SUGT1: variants seen among roughly 807,000 people sequenced by gnomAD.
SUGT1 encodes SGT1 assembly cochaperone of MIS12 kinetochore complex, also known as protein SGT1 homolog.
A neutral mutation model predicts 56.1 loss-of-function variants in SUGT1; 15 were observed. The observed-to-expected ratio is 0.27, with a 90% confidence interval of 0.18 to 0.41. SUGT1 has a LOEUF of 0.41. Ranked by LOEUF, SUGT1 falls within the 10% of genes least tolerant of loss-of-function variation. The pLI is 1.00. For synonymous variants in SUGT1, 123 were observed against 128.6 expected, an observed-to-expected ratio of 0.96 and a Z score of 0.30; for missense variants, 347 against 382.2, an observed-to-expected ratio of 0.91 and a Z score of 0.77.
intron 10 of SUGT1, among the ~76,000 whole-genome samples, chr13:52,674,451 A>G: frequency 6.6e-6 from 1 of 152,136 alleles, no homozygotes; most frequent in East Asian, 1.9e-4. Flanking sequence ...CAGATACCCC[A>G]CATACATATA....
In SUGT1 at chr13:52,676,722, G is replaced by A. The variant is rs189402228; in HGVS notation, c.718+402G>A. Among the ~76,000 whole-genome samples the A allele has an allele frequency of 2.2e-3, 331 of 152,128 alleles. 6 individuals are homozygous for A. The highest frequency in any genetic ancestry group is 7.5e-4 in the Non-Finnish European group (51 of 68,016). On this transcript the variant is annotated intron_variant, in intron 11 of 12. Coordinates refer to ENST00000310528, the MANE Select transcript of SUGT1 (RefSeq NM_006704.5). ...CCTTTCTGTTCCTTCTACTGATACT[G>A]TCATCTAATTGCCTGGAATTTGCAG...
intron 10 of SUGT1, among the ~76,000 whole-genome samples, chr13:52,670,798 G>GT (rs1039086234): frequency 2.6e-5 from 4 of 152,142 alleles, no homozygotes; most frequent in Non-Finnish European, 5.9e-5. Context: ...GGGTGACTGA[G>GT]TGAGACTCCG....
chr13:52,663,229 T>G (rs1220342140), intron 7 of SUGT1, 117 bp downstream of exon 7: 1 of 1,036,414 alleles, frequency 9.6e-7, no homozygotes, highest in East Asian at 2.5e-5. Flanking sequence ...GCAATTCCAT[T>G]TAAGTGCTGG....
rs34928219 is a variant in SUGT1, at chr13:52,690,410, C to CTT, written c.*2575_*2576insTT. On this transcript the variant is annotated 3_prime_UTR_variant, in exon 13 of 13. Coordinates refer to ENST00000310528, the MANE Select transcript of SUGT1 (RefSeq NM_006704.5). ...TTTTCATTTCTCAAATTTTGGTTCT[C>CTT]AGTGCTGTTAGTATTAGTAGCCTTT... 145,639 of 152,246 alleles carry CTT rather than the reference C, an allele frequency of 0.96. 69,679 individuals are homozygous for CTT. The highest frequency in any genetic ancestry group is 0.99 in the East Asian group (5,122 of 5,172). 9.4% of individuals were successfully genotyped at this position (152,246 alleles called of 1,614,324 possible). A position where few individuals can be genotyped will look rare whatever the true frequency, so the allele number is the denominator to read the frequency against.
In SUGT1 at chr13:52,688,842, A is replaced by C. The variant is rs1963685637; in HGVS notation, c.*1007A>C. 1.3e-5 allele frequency: 2 copies of C among 152,238 alleles called. No individual in the cohort carries two copies. The highest frequency in any genetic ancestry group is 4.1e-4 in the South Asian group (2 of 4,838). The allele number at this position is 152,238 out of a possible 1,614,324, so 9.4% of individuals were successfully genotyped here. A position where few individuals can be genotyped will look rare whatever the true frequency, so the allele number is the denominator to read the frequency against. ...CATGAAGGAACTGTGGAAAGATTGA[A>C]TGCTGAACTCGGTATAAATACACTT... On this transcript the variant is annotated 3_prime_UTR_variant, in exon 13 of 13. Coordinates refer to ENST00000310528, the MANE Select transcript of SUGT1 (RefSeq NM_006704.5).
chr13:52,690,845 C>G lies in SUGT1; in HGVS notation c.*3010C>G, dbSNP rs1963754945. ...AAGAGGATGGCTTGCATTAATAACTCTAGTTTTTAAAAACATTTTTATTCC... is the reference window on the plus strand; with the variant it reads ...AAGAGGATGGCTTGCATTAATAACTGTAGTTTTTAAAAACATTTTTATTCC... On this transcript the variant is annotated 3_prime_UTR_variant, in exon 13 of 13. Transcript: ENST00000310528. 6.6e-6 allele frequency: 1 copy of G among 152,180 alleles called. No individual in the cohort carries two copies. Among genetic ancestry groups the G allele is most frequent in the Non-Finnish European group, 1.5e-5 (1 of 68,050 alleles). 9.4% of individuals were successfully genotyped at this position (152,180 alleles called of 1,614,324 possible).
intron 10 of SUGT1, among the ~76,000 whole-genome samples, chr13:52,672,405 T>G (rs1021713152): frequency 2.0e-5 from 3 of 152,178 alleles, no homozygotes; most frequent in South Asian, 4.1e-4. Flanking sequence ...TGAAATGAGC[T>G]GTTAGAAGTT....
At position 52,680,038 on chromosome 13, in the gene SUGT1, G is replaced by T; in HGVS notation, c.783G>T (p.Glu261Asp). Residue 261 changes from glutamate (E) to aspartate (D), a missense_variant, in exon 12 of 13, where the codon GAG (glutamate) becomes GAT (aspartate). Transcript: ENST00000310528. ...GAAATTGGGATAAATTGGTTGGTGA[G>T]ATCAAAGAAGAAGAAAAGAATGAAA... is the stretch of plus-strand genomic sequence containing the variant. ...YTRNWDKLVG[E>D]IKEEEKNEKL... 4 of 1,602,694 alleles carry T rather than the reference G, an allele frequency of 2.5e-6. No homozygotes were observed. Among genetic ancestry groups the T allele is most frequent in the Non-Finnish European group, 2.5e-6 (3 of 1,176,944 alleles).
rs1003559639 is a variant in SUGT1 at position 52,688,993 on chromosome 13, C to G, written c.*1158C>G. 6 of 152,158 alleles carry G rather than the reference C, an allele frequency of 3.9e-5. No homozygotes were observed. Among genetic ancestry groups the G allele is most frequent in the African/African-American group, 1.4e-4 (6 of 41,414 alleles). 9.4% of individuals were successfully genotyped at this position (152,158 alleles called of 1,614,324 possible). A position where few individuals can be genotyped will look rare whatever the true frequency, so the allele number is the denominator to read the frequency against. The stretch of plus-strand genomic sequence containing the variant: ...CATGATTTTCTCAACTGTAATACCC[C>G]AGATGTTGGTCTCAGCTCTGTTAGG... On this transcript the variant is annotated 3_prime_UTR_variant, in exon 13 of 13. Coordinates refer to ENST00000310528, the MANE Select transcript of SUGT1 (RefSeq NM_006704.5).
intron 9 of SUGT1, among the ~76,000 whole-genome samples, chr13:52,666,562 A>G (rs1459031593): frequency 1.3e-5 from 2 of 152,192 alleles, no homozygotes; most frequent in Non-Finnish European, 2.9e-5. Context: ...TAAATATATG[A>G]CAAATATTAT....
chr13:52,697,555 T>C lies in SUGT1; in HGVS notation c.*9720T>C, dbSNP rs1963973777. On this transcript the variant is annotated 3_prime_UTR_variant, in exon 13 of 13. Coordinates refer to ENST00000310528, the MANE Select transcript of SUGT1 (RefSeq NM_006704.5). ...AAAGTTTGAATTGCTCACGTGTCCA[T>C]TTTTTTTCTGGAATCCCTGAAGAAA... 6.6e-6 allele frequency: 1 copy of C among 152,060 alleles called. No individual in the cohort carries two copies. The highest frequency in any genetic ancestry group is 2.4e-5 in the African/African-American group (1 of 41,382). 9.4% of individuals were successfully genotyped at this position (152,060 alleles called of 1,614,324 possible).
chr13:52,674,391 T>A (rs554359504), intron 10 of SUGT1, among the ~76,000 whole-genome samples: 18 of 152,294 alleles, frequency 1.2e-4, no homozygotes, highest in African/African-American at 4.3e-4. Context: ...AAAACAGTCG[T>A]TTATTACATT....
chr13:52,675,384 G>A (rs998215484), intron 10 of SUGT1, among the ~76,000 whole-genome samples: 2 of 152,078 alleles, frequency 1.3e-5, no homozygotes, highest in Admixed American at 1.3e-4. Context: ...GACCAGCCTG[G>A]GCAACCTAGT....
intron 2 of SUGT1, among the ~76,000 whole-genome samples, chr13:52,656,861 A>G (rs1962187858): frequency 6.6e-6 from 1 of 152,200 alleles, no homozygotes; most frequent in Non-Finnish European, 1.5e-5. Context: ...CTAATTGTGT[A>G]ATCTCTTACA....
In SUGT1 at chr13:52,669,890, A is replaced by G. The variant is rs1046566071; in HGVS notation, c.627+2971A>G. On this transcript the variant is annotated intron_variant, in intron 10 of 12. Coordinates refer to ENST00000310528, the MANE Select transcript of SUGT1 (RefSeq NM_006704.5). ...AATATTAAAATACTGAAAATAAAAT[A>G]TCTGGGTTACTGAGGCTTACTTCGT... Among the ~76,000 whole-genome samples the G allele has an allele frequency of 3.9e-5, 6 of 152,320 alleles. No individual in the cohort carries two copies. The East Asian group carries it at 1.2e-3, about 29-fold the overall frequency.
In SUGT1 at chr13:52,652,928, C is replaced by G. The variant is rs745759360; in HGVS notation, c.8C>G (p.Ala3Gly). The G allele has an allele frequency of 6.2e-7, 1 of 1,613,904 alleles. No individual in the cohort carries two copies. Among genetic ancestry groups the G allele is most frequent in the South Asian group, 1.1e-5 (1 of 91,078 alleles). ...CAACAGCGACTACGAGGGATGGCGG[C>G]GGCTGCAGCAGGAACTGCAACATCC... MAAAAAGTATSQR... is the reference protein window; with the variant it reads MAGAAAGTATSQR... Residue 3 changes from alanine to glycine, a missense_variant, in exon 1 of 13, where the codon GCG becomes GGG. Ala to Gly is a moderately conservative substitution (Grantham distance 60). Transcript: ENST00000310528.
chr13:52,658,012 A>G, intron 3 of SUGT1: 1 of 979,862 alleles, frequency 1.0e-6, no homozygotes, highest in Non-Finnish European at 1.3e-6. Flanking sequence ...ATTTGAGCCC[A>G]GGAGTTCAAG....
chr13:52,680,012 A>G lies in SUGT1; in HGVS notation c.757A>G (p.Arg253Gly). The change falls in exon 12 of 13, where the codon AGA becomes GGA. Residue 253 changes from arginine to glycine, a missense_variant. Arg to Gly is a moderately radical substitution (Grantham distance 125). Transcript: ENST00000310528. The part of the protein sequence containing the change: ...NLYPSSSPYT[R>G]NWDKLVGEIK... Reference sequence around the variant, plus strand: ...ATATCCATCATCATCTCCTTATACAAGAAATTGGGATAAATTGGTTGGTGA... The same window carrying G: ...ATATCCATCATCATCTCCTTATACAGGAAATTGGGATAAATTGGTTGGTGA... 6.2e-7 allele frequency: 1 copy of G among 1,600,852 alleles called. No individual in the cohort carries two copies. The highest frequency in any genetic ancestry group is 8.5e-7 in the Non-Finnish European group (1 of 1,176,750).
At chr13:52,664,224 G>A (rs1386414452) in intron 8 of SUGT1, among the ~76,000 whole-genome samples, 167 bp downstream of exon 8, 1 of 152,200 alleles carries the variant, frequency 6.6e-6, no homozygotes, top group East Asian at 1.9e-4. Context: ...GGCTGTTTAA[G>A]GATTAATATT....
Sources: allele counts gnomAD v4.1 joint callset (sites outside exome capture counted in the v4.1 genomes callset), GRCh38; gene constraint gnomAD v4.1.1; transcripts MANE v1.5; gene names NCBI Gene and HGNC (gene_info 2026-07-23, HGNC 2026-07-21).